PROSER2: variants seen among roughly 807,000 people sequenced by gnomAD.
PROSER2 encodes the protein proline and serine-rich protein 2.
Under a neutral mutation model 14.6 loss-of-function variants are expected in PROSER2, and 18 were observed. That is an observed-to-expected ratio of 1.23 (90% CI 0.85 to 1.83). The LOEUF (loss-of-function observed/expected upper bound fraction) is 1.83, where lower values mean the gene tolerates loss of function less well. PROSER2 is among the 40% of genes most tolerant of loss of function. The pLI is 0.00. For synonymous variants in PROSER2, 367 were observed against 286.4 expected (o/e 1.28, Z -2.84); for missense variants, 823 against 629.8 (o/e 1.31, Z -3.28).
At chr10:11,846,698 G>A (rs1428459905) in intron 1 of PROSER2, among the ~76,000 whole-genome samples, 5 of 152,180 alleles carry the variant, frequency 3.3e-5, no homozygotes, top group African/African-American at 1.2e-4. Context: ...GGCCGGCCAG[G>A]CCATGGAGTC....
At chr10:11,847,813 G>A (rs1170968170) in intron 1 of PROSER2, among the ~76,000 whole-genome samples, 5 of 152,294 alleles carry the variant, frequency 3.3e-5, no homozygotes, top group Admixed American at 6.5e-5. Flanking sequence ...CTAAAACTTC[G>A]TGGATTCTTT....
rs1833571797 is a variant in PROSER2 at position 11,823,672 on chromosome 10, C to T, written c.-82+202C>T. Reference sequence around the variant, plus strand: ...GGCCACCCGGTGCCCGACCCCCGACCCCGGGGCGTCGCTGCCTCCTCGGGG... The same window carrying T: ...GGCCACCCGGTGCCCGACCCCCGACTCCGGGGCGTCGCTGCCTCCTCGGGG... On this transcript the variant is annotated intron_variant, in intron 1 of 3. Transcript: ENST00000277570. This position sits in a 1 kb window ranked among gnomAD's most constrained non-coding sequence, Gnocchi z 6.2. Among the ~76,000 whole-genome samples the T allele has an allele frequency of 6.6e-6, 1 of 151,974 alleles. No homozygotes were observed. The highest frequency in any genetic ancestry group is 2.4e-5 in the African/African-American group (1 of 41,410).
chr10:11,868,660 G>GTTTTGT (rs1554768521), intron 3 of PROSER2, among the ~76,000 whole-genome samples: 2 of 150,752 alleles, frequency 1.3e-5, no homozygotes, highest in Non-Finnish European at 2.9e-5. Context: ...GTTTTGTTTT[G>GTTTTGT]TTTTTTCTGA....
intron 1 of PROSER2, among the ~76,000 whole-genome samples, chr10:11,846,140 C>T (rs1833920748): frequency 6.6e-6 from 1 of 152,154 alleles, no homozygotes; most frequent in African/African-American, 2.4e-5. Flanking sequence ...GTGTGCCCCA[C>T]CACGCCCGGC....
At chr10:11,858,777 G>A (rs773324251) in intron 2 of PROSER2, among the ~76,000 whole-genome samples, 8 of 152,064 alleles carry the variant, frequency 5.3e-5, no homozygotes, top group South Asian at 2.1e-4. Context: ...TTGGGAGGCC[G>A]AGGCGGGTAG....
intron 1 of PROSER2, among the ~76,000 whole-genome samples, chr10:11,839,170 T>G (rs1833801439): frequency 1.3e-5 from 2 of 152,178 alleles, no homozygotes; most frequent in African/African-American, 4.8e-5. Context: ...TCGGATAACC[T>G]TCTTGGCTTG....
intron 2 of PROSER2, among the ~76,000 whole-genome samples, chr10:11,855,739 C>T (rs911670901): frequency 3.3e-5 from 5 of 152,172 alleles, no homozygotes; most frequent in Non-Finnish European, 5.9e-5. Context: ...GCCTGGGCAA[C>T]ATAGCAAGAC....
chr10:11,843,055 C>T (rs1273377080), intron 1 of PROSER2, among the ~76,000 whole-genome samples: 1 of 149,492 alleles, frequency 6.7e-6, no homozygotes, highest in African/African-American at 2.5e-5. Flanking sequence ...ATTCTCCTGC[C>T]TCAGCCTCCC....
chr10:11,840,544 G>C (rs985377769), intron 1 of PROSER2, among the ~76,000 whole-genome samples: 2 of 151,962 alleles, frequency 1.3e-5, no homozygotes, highest in Non-Finnish European at 2.9e-5. Context: ...GGGACTTTTT[G>C]CATCTGCATT....
chr10:11,832,581 G>C (rs1253868270), intron 1 of PROSER2, among the ~76,000 whole-genome samples: 1 of 152,108 alleles, frequency 6.6e-6, no homozygotes, highest in Non-Finnish European at 1.5e-5. Flanking sequence ...TATTTATGAA[G>C]CTGGGTTAAA....
At position 11,866,240 on chromosome 10, in the gene PROSER2, T is replaced by C. The variant is rs1834343497; in HGVS notation, c.139-291T>C. Among the ~76,000 whole-genome samples the C allele has an allele frequency of 6.6e-6, 1 of 152,230 alleles. No individual in the cohort carries two copies. Among genetic ancestry groups the C allele is most frequent in the Non-Finnish European group, 1.5e-5 (1 of 68,038 alleles). On this transcript the variant is annotated intron_variant, in intron 2 of 3. Coordinates refer to ENST00000277570, the MANE Select transcript of PROSER2 (RefSeq NM_153256.4). The surrounding 1 kb of genome is among the most constrained non-coding windows in gnomAD (Gnocchi z 6.0). ...GATAGCCGTAGGCTGACTGCAGCTCTCCAGTGTGCTCCCGAGAGGGTGCTT... is the reference window on the plus strand; with the variant it reads ...GATAGCCGTAGGCTGACTGCAGCTCCCCAGTGTGCTCCCGAGAGGGTGCTT...
chr10:11,833,627 G>A (rs549224144), intron 1 of PROSER2, among the ~76,000 whole-genome samples: 2 of 152,010 alleles, frequency 1.3e-5, no homozygotes, highest in African/African-American at 2.4e-5. Context: ...GGAGGCAGAG[G>A]TTGCAGTGAG....
Position 11,869,298 on chromosome 10 carries a change from G to A in PROSER2, c.392-192G>A. ...CGTGATTGTCCCTTATCAGCGTGAG[G>A]TCATGAGCATGACATACCACCTTCT... On this transcript the variant is annotated intron_variant, in intron 3 of 3. Transcript: ENST00000277570. The surrounding 1 kb of genome is among the most constrained non-coding windows in gnomAD (Gnocchi z 4.4). 1.6e-6 allele frequency: 1 copy of A among 609,026 alleles called. No individual in the cohort carries two copies. Among genetic ancestry groups the A allele is most frequent in the South Asian group, 2.0e-5 (1 of 51,078 alleles). The allele number at this position is 609,026 out of a possible 1,614,324, so 37.7% of individuals were successfully genotyped here.
rs1320299391 is a variant in PROSER2, at chr10:11,862,199, A to C, written c.139-4332A>C. Among the ~76,000 whole-genome samples, 2 of 152,258 alleles carry C rather than the reference A, an allele frequency of 1.3e-5. No homozygotes were observed. Among genetic ancestry groups the C allele is most frequent in the Non-Finnish European group, 2.9e-5 (2 of 68,040 alleles). On this transcript the variant is annotated intron_variant, in intron 2 of 3. Coordinates refer to ENST00000277570, the MANE Select transcript of PROSER2 (RefSeq NM_153256.4). The surrounding 1 kb of genome is among the most constrained non-coding windows in gnomAD (Gnocchi z 4.2). ...GTCAAGAAAAGATCGCAGAGACATCAGTTCTCTGCAATTTGAGAAACTTTC... is the reference window on the plus strand; with the variant it reads ...GTCAAGAAAAGATCGCAGAGACATCCGTTCTCTGCAATTTGAGAAACTTTC...
At chr10:11,841,543 C>T (rs559370245) in intron 1 of PROSER2, among the ~76,000 whole-genome samples, 27 of 152,146 alleles carry the variant, frequency 1.8e-4, no homozygotes, top group Non-Finnish European at 3.8e-4. Flanking sequence ...ACAGGCATTT[C>T]AGTGATGTTT....
chr10:11,858,872 G>T (rs1009288715), intron 2 of PROSER2, among the ~76,000 whole-genome samples: 12 of 151,834 alleles, frequency 7.9e-5, no homozygotes, highest in African/African-American at 2.9e-4. Flanking sequence ...AGCTGGGCGT[G>T]TTGGCAGGTG....
chr10:11,869,598 C>T lies in PROSER2; in HGVS notation c.500C>T (p.Thr167Ile), dbSNP rs756325341. ...TLLAPPPLPS[T>I]PDPPRRELRA... ...CTTGCGCCACCACCCCTGCCTAGCA[C>T]CCCCGATCCCCCCAGGAGGGAGCTG... The change falls in exon 4 of 4, where the codon ACC (threonine) becomes ATC (isoleucine). Residue 167 changes from threonine to isoleucine, a missense_variant. Physicochemically the swap from Thr to Ile is moderately conservative, Grantham distance 89 (BLOSUM62 -1). Coordinates refer to ENST00000277570, the MANE Select transcript of PROSER2 (RefSeq NM_153256.4). The surrounding 1 kb of genome is among the most constrained non-coding windows in gnomAD (Gnocchi z 4.4). The T allele has an allele frequency of 1.2e-5, 20 of 1,603,892 alleles. No homozygotes were observed. The highest frequency in any genetic ancestry group is 2.7e-5 in the African/African-American group (2 of 74,686).
At chr10:11,833,984 C>CTTTTTTTTTT (rs35005102) in intron 1 of PROSER2, among the ~76,000 whole-genome samples, 6 of 48,228 alleles carry the variant, frequency 1.2e-4, no homozygotes, top group African/African-American at 4.8e-4. Context: ...GTAGCTCTTT[C>CTTTTTTTTTT]TTTTTTTTTT....
In PROSER2 at chr10:11,845,718, G is replaced by A. The variant is rs571126970; in HGVS notation, c.-81-6279G>A. Reference sequence around the variant, plus strand: ...AAGGGCAGAGGCTGGGGTCCTCGGCGGGACCCAGCAGCCTGCAGGGAGCTG... The same window carrying A: ...AAGGGCAGAGGCTGGGGTCCTCGGCAGGACCCAGCAGCCTGCAGGGAGCTG... On this transcript the variant is annotated intron_variant, in intron 1 of 3. Coordinates refer to ENST00000277570, the MANE Select transcript of PROSER2 (RefSeq NM_153256.4). Among the ~76,000 whole-genome samples, 12 of 152,210 alleles carry A rather than the reference G, an allele frequency of 7.9e-5. No individual in the cohort carries two copies. In the East Asian group the frequency reaches 1.7e-3, roughly 22 times the overall value.
Sources: allele counts gnomAD v4.1 joint callset (sites outside exome capture counted in the v4.1 genomes callset), GRCh38; gene constraint gnomAD v4.1.1; non-coding constraint Gnocchi (gnomAD v3.1); transcripts MANE v1.5; gene names NCBI Gene and HGNC (gene_info 2026-07-23, HGNC 2026-07-21).